The following NSD1 variants were observed in gnomAD, a reference collection of about 807,000 sequenced individuals.
NSD1 encodes nuclear receptor binding SET domain protein 1, also known as histone-lysine N-methyltransferase, H3 lysine-36 specific.
NSD1 carries 26 observed loss-of-function variants against 242.7 expected under a neutral mutation model. That is an observed-to-expected ratio of 0.11 (90% CI 0.08 to 0.15). NSD1 has a LOEUF of 0.15. NSD1 is among the 10% of genes least tolerant of loss of function. The probability of loss-of-function intolerance (pLI) is 1.00; values close to 1 mark genes in which losing one functional copy is unlikely to be tolerated. For missense variants in NSD1, 2,495 were observed against 3,272.8 expected (o/e 0.76, Z 5.80); for synonymous variants, 1,106 against 1,178.1 (o/e 0.94, Z 1.25).
At chr5:177,270,894 A>T (rs2149936232) in intron 16 of NSD1, among the ~76,000 whole-genome samples, 1 of 152,256 alleles carries the variant, frequency 6.6e-6, no homozygotes, top group Non-Finnish European at 1.5e-5. Flanking sequence ...TATCAGTTCT[A>T]CTGCTAATAC....
rs1408087963 is a variant in NSD1 at position 177,298,019 on chromosome 5, T to C, written c.*2560T>C. On this transcript the variant is annotated 3_prime_UTR_variant, in exon 23 of 23. Coordinates refer to ENST00000439151, the MANE Select transcript of NSD1 (RefSeq NM_022455.5). The stretch of plus-strand genomic sequence containing the variant: ...ACTGGAAACTAGAAATTTGAGCTAT[T>C]GGGCCCACCAGTAGCAGCATGTGAT... 4.3e-6 allele frequency: 1 copy of C among 232,632 alleles called. No homozygotes were observed. The highest frequency in any genetic ancestry group is 8.5e-6 in the Non-Finnish European group (1 of 117,990). The allele number at this position is 232,632 out of a possible 1,614,324, so 14.4% of individuals were successfully genotyped here.
chr5:177,242,723 T>G (rs1364283206), intron 8 of NSD1, among the ~76,000 whole-genome samples: 2 of 151,994 alleles, frequency 1.3e-5, no homozygotes, highest in Non-Finnish European at 2.9e-5. Context: ...GAGGCAGGGT[T>G]TCTCAATGGT....
chr5:177,293,426 CTT>C (rs1169900457), intron 22 of NSD1, among the ~76,000 whole-genome samples: 1 of 152,016 alleles, frequency 6.6e-6, no homozygotes, highest in Non-Finnish European at 1.5e-5. Context: ...GGATATTTCT[CTT>C]TGAGTTGCTT....
In NSD1 at chr5:177,209,904, G is replaced by T; in HGVS notation, c.1505G>T (p.Ser502Ile). The change falls in exon 5 of 23, where the codon AGC (serine) becomes ATC (isoleucine). Residue 502 changes from serine (S) to isoleucine (I), a missense_variant. Physicochemically the swap from Ser to Ile is moderately radical, Grantham distance 142. Transcript: ENST00000439151. Reference sequence around the variant, plus strand: ...TGCGCTAAATCTCGAGCCAGAAAGAGCTCTGATAATCCAAAAAGGACTAGT... The same window carrying T: ...TGCGCTAAATCTCGAGCCAGAAAGATCTCTGATAATCCAAAAAGGACTAGT... ...KPCAKSRARK[S>I]SDNPKRTSVK... The T allele has an allele frequency of 6.2e-7, 1 of 1,614,118 alleles. No homozygotes were observed. The highest frequency in any genetic ancestry group is 1.7e-5 in the Admixed American group (1 of 60,006).
At chr5:177,171,042 G>C (rs938337241) in intron 2 of NSD1, among the ~76,000 whole-genome samples, 2 of 151,490 alleles carry the variant, frequency 1.3e-5, no homozygotes, top group African/African-American at 4.8e-5. Flanking sequence ...AGGAAACCGG[G>C]CGGGGCGTGG....
intron 2 of NSD1, among the ~76,000 whole-genome samples, chr5:177,151,954 G>A (rs1182928549): frequency 2.0e-5 from 3 of 151,870 alleles, no homozygotes; most frequent in South Asian, 2.1e-4. Flanking sequence ...TCCGCCTCCC[G>A]GGTTCACGCC....
intron 14 of NSD1, chr5:177,266,504 T>A: frequency 1.6e-6 from 1 of 626,062 alleles, no homozygotes; most frequent in Non-Finnish European, 2.9e-6. Context: ...TTGGACGTCA[T>A]GCCCTCGACG....
At chr5:177,192,969 T>C (rs1581256998) in intron 3 of NSD1, among the ~76,000 whole-genome samples, 1 of 152,216 alleles carries the variant, frequency 6.6e-6, no homozygotes, top group African/African-American at 2.4e-5. Flanking sequence ...TTTTATAATA[T>C]AAAAGCTGAA....
chr5:177,252,927 A>G (rs1182672766), intron 12 of NSD1, among the ~76,000 whole-genome samples: 1 of 151,974 alleles, frequency 6.6e-6, no homozygotes, highest in Non-Finnish European at 1.5e-5. Flanking sequence ...TACTTCCCAA[A>G]GAAAAAGTGT....
chr5:177,183,528 T>C (rs1411887485), intron 2 of NSD1, among the ~76,000 whole-genome samples: 1 of 152,240 alleles, frequency 6.6e-6, no homozygotes, highest in Non-Finnish European at 1.5e-5. Flanking sequence ...ATTTATGATA[T>C]ACATGAGATA....
intron 5 of NSD1, among the ~76,000 whole-genome samples, chr5:177,216,971 G>C (rs1763824936): frequency 6.8e-6 from 1 of 147,336 alleles, no homozygotes; most frequent in Admixed American, 6.7e-5. Context: ...TTCTTCTCAA[G>C]ATTGTTTTGT....
chr5:177,207,680 T>C lies in NSD1; in HGVS notation c.1237-1956T>C, dbSNP rs1043449179. The stretch of plus-strand genomic sequence containing the variant: ...GCTGGGCTAAAGGCATCCTCCTGCC[T>C]CAGCCTCGCAAAGTGCTGGGATTAA... On this transcript the variant is annotated intron_variant, in intron 4 of 22. Transcript: ENST00000439151. Among the ~76,000 whole-genome samples, 13 of 138,008 alleles carry C rather than the reference T, an allele frequency of 9.4e-5. 1 individual carries two copies. The Admixed American group carries it at 9.6e-4, about 10-fold the overall frequency. 90.5% of individuals were successfully genotyped at this position (138,008 alleles called of 152,430 possible).
chr5:177,132,069 G>A (rs1755922352), upstream of NSD1, among the ~76,000 whole-genome samples: 1 of 152,228 alleles, frequency 6.6e-6, no homozygotes, highest in Non-Finnish European at 1.5e-5. This position sits in a 1 kb window ranked among gnomAD's most constrained non-coding sequence, Gnocchi z 7.5. Flanking sequence ...TGGGGGATTG[G>A]ACGCCACGCG....
At chr5:177,289,937 C>T (rs1759659700) in intron 21 of NSD1, among the ~76,000 whole-genome samples, 1 of 151,294 alleles carries the variant, frequency 6.6e-6, no homozygotes, top group South Asian at 2.1e-4. Flanking sequence ...ACGCCATTCT[C>T]CTGCCTCAGC....
intron 2 of NSD1, among the ~76,000 whole-genome samples, chr5:177,182,150 TC>T (rs1238662005): frequency 0.021 from 2,691 of 130,020 alleles, 85 homozygotes; most frequent in African/African-American, 0.076. Context: ...AGACTCCGTC[TC>T]AAAAAAAAAA....
At chr5:177,230,531 T>C (rs942833994) in intron 5 of NSD1, among the ~76,000 whole-genome samples, 2 of 151,848 alleles carry the variant, frequency 1.3e-5, no homozygotes, top group African/African-American at 4.8e-5. Flanking sequence ...ACAGCAATTA[T>C]AAGAGGAAAC....
chr5:177,172,726 A>C (rs1283864410), intron 2 of NSD1, among the ~76,000 whole-genome samples: 2 of 152,116 alleles, frequency 1.3e-5, no homozygotes, highest in African/African-American at 4.8e-5. Context: ...TGAGAGGTTG[A>C]GGTGGGAGGA....
At chr5:177,139,463 C>T (rs1158875496) in intron 2 of NSD1, among the ~76,000 whole-genome samples, 6 of 146,788 alleles carry the variant, frequency 4.1e-5, no homozygotes, top group South Asian at 2.1e-4. Flanking sequence ...AAAAAAAAAG[C>T]GGTCAATCTT....
chr5:177,164,387 C>T lies in NSD1; in HGVS notation c.928-27497C>T, dbSNP rs934446725. Reference sequence around the variant, plus strand: ...GGCCAGGCTGGTCTTTAACTCCTGACCTCAGGTGATCCGCCTGCCTCGGCC... The same window carrying T: ...GGCCAGGCTGGTCTTTAACTCCTGATCTCAGGTGATCCGCCTGCCTCGGCC... On this transcript the variant is annotated intron_variant, in intron 2 of 22. Transcript: ENST00000439151. Among the ~76,000 whole-genome samples the T allele has an allele frequency of 6.6e-5, 10 of 151,812 alleles. No individual in the cohort carries two copies. The East Asian group carries it at 1.2e-3, about 18-fold the overall frequency.
Sources: allele counts gnomAD v4.1 joint callset (sites outside exome capture counted in the v4.1 genomes callset), GRCh38; gene constraint gnomAD v4.1.1; non-coding constraint Gnocchi (gnomAD v3.1); transcripts MANE v1.5; gene names NCBI Gene and HGNC (gene_info 2026-07-23, HGNC 2026-07-21).